Variants in SH3PXD2A observed in about 807,000 individuals in gnomAD.
SH3PXD2A encodes SH3 and PX domains 2A.
A neutral mutation model predicts 115.2 loss-of-function variants in SH3PXD2A; 32 were observed. The observed-to-expected ratio is 0.28, with a 90% confidence interval of 0.21 to 0.37. The LOEUF (loss-of-function observed/expected upper bound fraction) is 0.37, where lower values mean the gene tolerates loss of function less well. Ranked by LOEUF, SH3PXD2A falls within the 10% of genes least tolerant of loss-of-function variation. The pLI is 1.00. For synonymous variants in SH3PXD2A, 610 were observed against 629.1 expected (o/e 0.97, Z 0.45); for missense variants, 1,328 against 1,498.7 (o/e 0.89, Z 1.88).
intron 14 of SH3PXD2A, among the ~76,000 whole-genome samples, chr10:103,605,529 G>T (rs1484761949): frequency 2.6e-5 from 4 of 152,138 alleles, no homozygotes; most frequent in African/African-American, 4.8e-5. Context: ...TTGTTTCAAG[G>T]CCCCCCTGTC....
intron 3 of SH3PXD2A, among the ~76,000 whole-genome samples, chr10:103,738,890 G>C (rs935698525): frequency 6.6e-5 from 10 of 151,950 alleles, no homozygotes; most frequent in Non-Finnish European, 2.9e-5. Flanking sequence ...TGCCTCCCGG[G>C]TTCAAGCAAT....
chr10:103,850,047 G>T (rs10883927), intron 1 of SH3PXD2A, among the ~76,000 whole-genome samples: 19,439 of 152,164 alleles, frequency 0.13, 2,338 homozygotes, highest in African/African-American at 0.32. Flanking sequence ...GCAATTTACA[G>T]GGAACTGCTG....
At chr10:103,768,808 A>G (rs1287460373) in intron 2 of SH3PXD2A, among the ~76,000 whole-genome samples, 1 of 152,132 alleles carries the variant, frequency 6.6e-6, no homozygotes, top group Non-Finnish European at 1.5e-5. Context: ...TTATCAAGAA[A>G]AGAATCTTAT....
At chr10:103,820,735 G>C (rs941338893) in intron 1 of SH3PXD2A, among the ~76,000 whole-genome samples, 2 of 152,160 alleles carry the variant, frequency 1.3e-5, no homozygotes, top group African/African-American at 4.8e-5. Context: ...ATAAGGGGCG[G>C]GGGGGTTGGG....
intron 4 of SH3PXD2A, among the ~76,000 whole-genome samples, chr10:103,734,769 A>G (rs1394966164): frequency 6.6e-6 from 1 of 152,236 alleles, no homozygotes; most frequent in Non-Finnish European, 1.5e-5. Flanking sequence ...ATAAATAAAT[A>G]AAAATTTTTA....
chr10:103,602,494 C>G lies in SH3PXD2A; in HGVS notation c.2724G>C (p.Glu908Asp). Residue 908 changes from glutamate (E) to aspartate (D), a missense_variant, in exon 15 of 15, where the codon GAG (glutamate) becomes GAC (aspartate). Around this residue, in one of 5 missense-constraint regions of SH3PXD2A, gnomAD observed 574 missense variants for 565.7 expected, o/e 1.01. Transcript: ENST00000369774. ...ENEQPDPSGK[E>D]LDTVPAKGRQ... Reference sequence around the variant, plus strand: ...TGCCCTTGGCGGGCACTGTGTCCAGCTCTTTGCCAGAGGGGTCAGGTTGCT... The same window carrying G: ...TGCCCTTGGCGGGCACTGTGTCCAGGTCTTTGCCAGAGGGGTCAGGTTGCT... The G allele has an allele frequency of 6.2e-7, 1 of 1,614,172 alleles. No homozygotes were observed. Among genetic ancestry groups the G allele is most frequent in the East Asian group, 2.2e-5 (1 of 44,868 alleles).
In SH3PXD2A at chr10:103,602,066, T is replaced by C. The variant is rs148790099; in HGVS notation, c.3152A>G (p.Asn1051Ser). 5.3e-5 allele frequency: 85 copies of C among 1,603,568 alleles called. No individual in the cohort carries two copies. In the Middle Eastern group the frequency reaches 1.2e-3, roughly 22 times the overall value. Residue 1051 changes from asparagine to serine, a missense_variant, in exon 15 of 15, where the codon AAC becomes AGC. Around this residue, in one of 5 missense-constraint regions of SH3PXD2A, gnomAD observed 574 missense variants for 565.7 expected, o/e 1.01. Coordinates refer to ENST00000369774, the MANE Select transcript of SH3PXD2A (RefSeq NM_001394015.1). ...SDSPLLPAQR[N>S]SIPVSPVRPK... ...GCGCACAGGGGACACGGGTATGCTG[T>C]TGCGCTGGGCGGGCAGTAGGGGTGA...
At chr10:103,713,727 C>A (rs2038072145) in intron 5 of SH3PXD2A, among the ~76,000 whole-genome samples, 1 of 152,240 alleles carries the variant, frequency 6.6e-6, no homozygotes, top group Non-Finnish European at 1.5e-5. Context: ...TCCCCATTAT[C>A]AGCAGCTGTT....
rs2038761856 is a variant in SH3PXD2A, at chr10:103,767,014, T to G, written c.229+80A>C. 7.6e-6 allele frequency: 8 copies of G among 1,047,302 alleles called. 1 individual carries two copies. In the South Asian group the frequency reaches 1.0e-4, roughly 14 times the overall value. 64.9% of individuals were successfully genotyped at this position (1,047,302 alleles called of 1,614,324 possible). A position where few individuals can be genotyped will look rare whatever the true frequency, so the allele number is the denominator to read the frequency against. On this transcript the variant is annotated intron_variant, in intron 3 of 14. Transcript: ENST00000369774. Reference sequence around the variant, plus strand: ...CATGCCCCGCCCAGAATCTGCTGCTTAGTACTCTTCTCGGCCTAAGGGAAG... The same window carrying G: ...CATGCCCCGCCCAGAATCTGCTGCTGAGTACTCTTCTCGGCCTAAGGGAAG...
intron 1 of SH3PXD2A, among the ~76,000 whole-genome samples, chr10:103,820,794 T>C (rs1347883077): frequency 6.6e-6 from 1 of 152,034 alleles, no homozygotes; most frequent in Non-Finnish European, 1.5e-5. Flanking sequence ...CTCCAGAGGG[T>C]GGCTAGGGGC....
chr10:103,849,002 A>C, intron 1 of SH3PXD2A, among the ~76,000 whole-genome samples: 1 of 136,276 alleles, frequency 7.3e-6, no homozygotes, highest in Non-Finnish European at 1.5e-5. Context: ...TGAGGCTCAG[A>C]GACATAAGTA....
chr10:103,696,577 A>T (rs1180922751), intron 5 of SH3PXD2A, among the ~76,000 whole-genome samples: 1 of 151,716 alleles, frequency 6.6e-6, no homozygotes, highest in Admixed American at 6.6e-5. Flanking sequence ...GACAGCCCCC[A>T]CCCTGCCGGT....
chr10:103,850,111 C>G (rs1258449977), intron 1 of SH3PXD2A, among the ~76,000 whole-genome samples: 1 of 152,196 alleles, frequency 6.6e-6, no homozygotes, highest in African/African-American at 2.4e-5. Flanking sequence ...ATAGCCTCCA[C>G]GGTCAGTTAA....
chr10:103,666,243 C>CG lies in SH3PXD2A; in HGVS notation c.472+2364dup, dbSNP rs1452206779. Among the ~76,000 whole-genome samples the CG allele has an allele frequency of 4.6e-5, 7 of 152,224 alleles. No individual in the cohort carries two copies. Among genetic ancestry groups the CG allele is most frequent in the African/African-American group, 1.7e-4 (7 of 41,442 alleles). The stretch of plus-strand genomic sequence containing the variant: ...ATCATTCATGATTCAACACATGTAT[C>CG]GAGCACCCACTAGGCGCCAACACCC... On this transcript the variant is annotated intron_variant, in intron 7 of 14. Transcript: ENST00000369774. The surrounding 1 kb of genome is among the most constrained non-coding windows in gnomAD (Gnocchi z 4.5).
At chr10:103,720,236 C>T (rs12777678) in intron 5 of SH3PXD2A, among the ~76,000 whole-genome samples, 11,474 of 152,288 alleles carry the variant, frequency 0.075, 601 homozygotes, top group Non-Finnish European at 0.12. Context: ...TTCATAAGGG[C>T]GCAAATCCCA....
intron 5 of SH3PXD2A, among the ~76,000 whole-genome samples, chr10:103,714,956 C>G (rs1356025644): frequency 1.3e-5 from 2 of 152,184 alleles, no homozygotes; most frequent in Non-Finnish European, 2.9e-5. Context: ...TTCCAACAGC[C>G]TGCAGGGTGG....
In SH3PXD2A at chr10:103,629,149, T is replaced by C. The variant is rs1423293973; in HGVS notation, c.605-1947A>G. On this transcript the variant is annotated intron_variant, in intron 8 of 14. Transcript: ENST00000369774. ...ACCTCCTACGCTGGGGACATTGGTC[T>C]GAGGCTGGAAGAGGGCAGGTGGGCA... 2.0e-5 allele frequency among the ~76,000 whole-genome samples: 3 copies of C among 152,216 alleles called. No individual in the cohort carries two copies. The South Asian group carries it at 6.2e-4, about 31-fold the overall frequency.
At chr10:103,664,667 TCTC>T (rs1403724486) in intron 7 of SH3PXD2A, among the ~76,000 whole-genome samples, 7 of 48,120 alleles carry the variant, frequency 1.5e-4, no homozygotes, top group Admixed American at 4.9e-4. Context: ...TTTCTTTCTC[TCTC>T]TTTTTTTTTT....
intron 2 of SH3PXD2A, among the ~76,000 whole-genome samples, chr10:103,790,321 A>G (rs1339924114): frequency 6.6e-6 from 1 of 151,738 alleles, no homozygotes; most frequent in African/African-American, 2.4e-5. Context: ...CCCCTGGCTA[A>G]TTTTTTTGTA....
Sources: allele counts gnomAD v4.1 joint callset (sites outside exome capture counted in the v4.1 genomes callset), GRCh38; gene constraint gnomAD v4.1.1; regional missense constraint gnomAD v4.1.1; non-coding constraint Gnocchi (gnomAD v3.1); transcripts MANE v1.5; gene names NCBI Gene and HGNC (gene_info 2026-07-23, HGNC 2026-07-21).